PRRG4: variants seen among roughly 807,000 people sequenced by gnomAD.
PRRG4 encodes proline rich and Gla domain 4.
A neutral mutation model predicts 20.0 loss-of-function variants in PRRG4; 12 were observed. That is an observed-to-expected ratio of 0.60 (90% CI 0.38 to 0.97). PRRG4 has a LOEUF of 0.97. Among genes scored for constraint, PRRG4 ranks in the 50% least tolerant of loss-of-function variants. PRRG4 has a pLI of 0.00. For synonymous variants in PRRG4, 94 were observed against 96.4 expected (o/e 0.98, Z 0.15); for missense variants, 199 against 265.1 (o/e 0.75, Z 1.73).
intron 5 of PRRG4, among the ~76,000 whole-genome samples, chr11:32,852,874 G>A (rs1385479442): frequency 3.4e-5 from 5 of 149,070 alleles, no homozygotes; most frequent in African/African-American, 9.9e-5. Flanking sequence ...CTGGGTTCAC[G>A]CCATTCTCCT....
intron 5 of PRRG4, among the ~76,000 whole-genome samples, chr11:32,850,642 G>A (rs187837113): frequency 1.5e-3 from 226 of 152,256 alleles, no homozygotes; most frequent in African/African-American, 5.0e-3. Flanking sequence ...ATTGTCCCAA[G>A]AAATTCTTCC....
rs556177945 is a variant in PRRG4 at position 32,856,418 on chromosome 11, T to C, written c.*2891T>C. The C allele has an allele frequency of 2.0e-5, 3 of 152,334 alleles. No homozygotes were observed. In the South Asian group the frequency reaches 6.2e-4, roughly 32 times the overall value. The allele number at this position is 152,334 out of a possible 1,614,324, so 9.4% of individuals were successfully genotyped here. A position where few individuals can be genotyped will look rare whatever the true frequency, so the allele number is the denominator to read the frequency against. ...TTTAAATATAAAAAGGAAAATATGA[T>C]AGAACTGTTATTGACAAATGCTTAT... is the stretch of plus-strand genomic sequence containing the variant. On this transcript the variant is annotated 3_prime_UTR_variant, in exon 6 of 6. Transcript: ENST00000257836.
In PRRG4 at chr11:32,853,428, G is replaced by A. The variant is rs72899247; in HGVS notation, c.582G>A (p.Ala194=). The A allele has an allele frequency of 1.0e-3, 1,681 of 1,614,060 alleles. 3 individuals are homozygous for A. Among genetic ancestry groups the A allele is most frequent in the Non-Finnish European group, 1.3e-3 (1,587 of 1,180,002 alleles). Residue 194 remains alanine, a synonymous_variant, in exon 6 of 6, where the codon GCG becomes GCA. Coordinates refer to ENST00000257836, the MANE Select transcript of PRRG4 (RefSeq NM_024081.6). Reference sequence around the variant, plus strand: ...TACCTTCTTATGAACAGGCAGTGGCGCTGACCAGAAAACACAGTGTTTCAC... The same window carrying A: ...TACCTTCTTATGAACAGGCAGTGGCACTGACCAGAAAACACAGTGTTTCAC... ...AGLPSYEQAV[A]LTRKHSVSPP... is the part of the protein sequence containing the mutation.
chr11:32,830,048 A>T lies in PRRG4; in HGVS notation c.-148A>T. 1.0e-6 allele frequency: 1 copy of T among 987,274 alleles called. No individual in the cohort carries two copies. Among genetic ancestry groups the T allele is most frequent in the Non-Finnish European group, 1.2e-6 (1 of 831,294 alleles). 61.2% of individuals were successfully genotyped at this position (987,274 alleles called of 1,614,324 possible). A position where few individuals can be genotyped will look rare whatever the true frequency, so the allele number is the denominator to read the frequency against. ...CGCGGGGGCCATCCAGACCCTGCGG[A>T]GAGCGAGGCCCGGAGCGTCGCCGAG... On this transcript the variant is annotated 5_prime_UTR_variant, in exon 1 of 6. Coordinates refer to ENST00000257836, the MANE Select transcript of PRRG4 (RefSeq NM_024081.6).
intron 5 of PRRG4, among the ~76,000 whole-genome samples, chr11:32,844,286 A>G (rs1851106291): frequency 6.6e-6 from 1 of 152,110 alleles, no homozygotes; most frequent in South Asian, 2.1e-4. Context: ...ATAGTTCCAG[A>G]GAGTTGCCAT....
chr11:32,852,532 G>C (rs1449964190), intron 5 of PRRG4, among the ~76,000 whole-genome samples: 1 of 152,220 alleles, frequency 6.6e-6, no homozygotes, highest in East Asian at 1.9e-4. Context: ...TTTGGTTTTG[G>C]TTTCACATCA....
intron 5 of PRRG4, among the ~76,000 whole-genome samples, chr11:32,841,082 AAGC>A: frequency 6.6e-6 from 1 of 152,012 alleles, no homozygotes; most frequent in East Asian, 1.9e-4. Context: ...AAAAAAAAAA[AAGC>A]AGCAGATGCT....
intron 3 of PRRG4, 24 bp from the exon 4 acceptor site, chr11:32,838,858 T>C: frequency 6.4e-7 from 1 of 1,569,834 alleles, no homozygotes; most frequent in Non-Finnish European, 8.8e-7. Context: ...TTGAATAAAC[T>C]TGGGAATTTT....
Position 32,854,006 on chromosome 11 carries a change from G to A in PRRG4, c.*479G>A, listed in dbSNP as rs949907046. On this transcript the variant is annotated 3_prime_UTR_variant, in exon 6 of 6. Transcript: ENST00000257836. Reference sequence around the variant, plus strand: ...TAAAGGAAGAATAAGTCCATGTACTGTACCACAGAAGTTCTGTCTGCATCT... The same window carrying A: ...TAAAGGAAGAATAAGTCCATGTACTATACCACAGAAGTTCTGTCTGCATCT... 2 of 156,132 alleles carry A rather than the reference G, an allele frequency of 1.3e-5. No individual in the cohort carries two copies. The highest frequency in any genetic ancestry group is 4.8e-5 in the African/African-American group (2 of 41,456). 9.7% of individuals were successfully genotyped at this position (156,132 alleles called of 1,614,324 possible).
chr11:32,851,380 T>G (rs1450134076), intron 5 of PRRG4, among the ~76,000 whole-genome samples: 1 of 152,190 alleles, frequency 6.6e-6, no homozygotes, highest in East Asian at 1.9e-4. Context: ...AAATAGAACT[T>G]TTCATCATGA....
At chr11:32,830,434 A>AT in intron 1 of PRRG4, 74 bp from the exon 2 acceptor site, 1 of 1,183,516 alleles carries the variant, frequency 8.4e-7, no homozygotes, top group Non-Finnish European at 1.1e-6. Flanking sequence ...CAGGTTGGTG[A>AT]TTCAGTTCGA....
intron 3 of PRRG4, among the ~76,000 whole-genome samples, chr11:32,837,648 C>T (rs1411900238): frequency 6.6e-6 from 1 of 151,198 alleles, no homozygotes; most frequent in East Asian, 1.9e-4. Context: ...ACCTCCACCT[C>T]CCGGGTTCAA....
intron 5 of PRRG4, among the ~76,000 whole-genome samples, chr11:32,844,399 C>T (rs1009856999): frequency 2.6e-5 from 4 of 151,420 alleles, no homozygotes; most frequent in South Asian, 2.1e-4. Context: ...ATTTAAATGA[C>T]GTGATACACA....
intron 5 of PRRG4, among the ~76,000 whole-genome samples, chr11:32,843,411 C>A (rs1273379217): frequency 6.6e-6 from 1 of 151,670 alleles, no homozygotes; most frequent in Admixed American, 6.6e-5. Flanking sequence ...TGTAAAACTC[C>A]AGATTTTTTT....
At chr11:32,835,341 C>T (rs1851011294) in intron 2 of PRRG4, among the ~76,000 whole-genome samples, 1 of 152,338 alleles carries the variant, frequency 6.6e-6, no homozygotes, top group East Asian at 1.9e-4. Context: ...TTTCAATTGC[C>T]TACTTTAATA....
chr11:32,834,460 C>G (rs1851001687), intron 2 of PRRG4, among the ~76,000 whole-genome samples: 1 of 152,130 alleles, frequency 6.6e-6, no homozygotes, highest in South Asian at 2.1e-4. Flanking sequence ...CAACTATCAC[C>G]AATTATCCCA....
intron 5 of PRRG4, among the ~76,000 whole-genome samples, chr11:32,851,798 T>C (rs1441407830): frequency 6.6e-6 from 1 of 152,194 alleles, no homozygotes; most frequent in Admixed American, 6.5e-5. Context: ...AGTAGGTATA[T>C]ATATTTATGG....
At chr11:32,835,699 A>G (rs1324504498) in intron 2 of PRRG4, among the ~76,000 whole-genome samples, 1 of 152,258 alleles carries the variant, frequency 6.6e-6, no homozygotes, top group Non-Finnish European at 1.5e-5. Context: ...AAATGTCTTT[A>G]GTTAAATCTT....
At chr11:32,848,237 AG>A (rs1352358165) in intron 5 of PRRG4, among the ~76,000 whole-genome samples, 3 of 152,124 alleles carry the variant, frequency 2.0e-5, no homozygotes, top group Non-Finnish European at 4.4e-5. Flanking sequence ...GAAGAAAGAG[AG>A]GGCACTACTC....
Sources: gnomAD v4.1 joint callset for allele counts (sites outside exome capture counted in the v4.1 genomes callset) on GRCh38, gnomAD v4.1.1 for gene constraint, MANE v1.5 for transcripts, NCBI Gene and HGNC (gene_info 2026-07-23, HGNC 2026-07-21) for gene names.